The following MIPEP variants were observed in gnomAD, a reference collection of about 807,000 sequenced individuals.
MIPEP encodes mitochondrial intermediate peptidase.
In MIPEP, 79 loss-of-function variants were observed where a neutral mutation model predicts 90.3. The observed-to-expected ratio is 0.87, with a 90% CI of 0.73 to 1.05. The LOEUF (loss-of-function observed/expected upper bound fraction) is 1.05, where lower values mean the gene tolerates loss of function less well. Among genes scored for constraint, MIPEP ranks in the 50% least tolerant of loss-of-function variants. The pLI, the probability that MIPEP is intolerant of heterozygous loss-of-function variation, is 0.00. For synonymous variants in MIPEP, 334 were observed against 315.8 expected, an observed-to-expected ratio of 1.06 and a Z score of -0.61; for missense variants, 940 against 905.6, an observed-to-expected ratio of 1.04 and a Z score of -0.49.
chr13:23,858,470 CAA>C (rs1178186750), intron 10 of MIPEP, among the ~76,000 whole-genome samples: 5 of 48,934 alleles, frequency 1.0e-4, no homozygotes, highest in Non-Finnish European at 1.7e-4. Flanking sequence ...GACTCCGCCT[CAA>C]AAAAAAAAAA....
At chr13:23,775,862 A>C (rs1192355026) in intron 16 of MIPEP, among the ~76,000 whole-genome samples, 1 of 152,250 alleles carries the variant, frequency 6.6e-6, no homozygotes, top group East Asian at 1.9e-4. Context: ...TGCTATTTCC[A>C]ACAGTCCTGA....
At chr13:23,752,135 G>A (rs150668057) in intron 18 of MIPEP, among the ~76,000 whole-genome samples, 79 of 152,130 alleles carry the variant, frequency 5.2e-4, no homozygotes, top group African/African-American at 1.9e-3. Context: ...TGTGTTATAG[G>A]GGATTAAACT....
chr13:23,870,768 G>A (rs988400150), intron 5 of MIPEP, among the ~76,000 whole-genome samples: 12 of 152,142 alleles, frequency 7.9e-5, no homozygotes, highest in African/African-American at 2.4e-4. Context: ...TCGCACCACT[G>A]TACTCCAGCC....
intron 18 of MIPEP, among the ~76,000 whole-genome samples, chr13:23,739,066 A>C (rs1279915432): frequency 6.6e-6 from 1 of 152,276 alleles, no homozygotes; most frequent in Non-Finnish European, 1.5e-5. Flanking sequence ...AGACGATTGT[A>C]ATTTTCTACT....
intron 16 of MIPEP, among the ~76,000 whole-genome samples, chr13:23,760,902 GTTTA>G (rs1384530838): frequency 2.0e-5 from 3 of 152,090 alleles, no homozygotes; most frequent in Non-Finnish European, 4.4e-5. Context: ...AAAGTCAGGA[GTTTA>G]TTTATTTTTA....
At chr13:23,824,361 A>G (rs1953342396) in intron 14 of MIPEP, among the ~76,000 whole-genome samples, 1 of 152,218 alleles carries the variant, frequency 6.6e-6, no homozygotes, top group East Asian at 1.9e-4. Flanking sequence ...GAGAAGCTGC[A>G]TATATATTAA....
At chr13:23,781,123 G>A (rs965307063) in intron 16 of MIPEP, among the ~76,000 whole-genome samples, 38 of 152,210 alleles carry the variant, frequency 2.5e-4, no homozygotes, top group Non-Finnish European at 3.2e-4. Flanking sequence ...GATACTCCTC[G>A]AGAAGAGCAA....
intron 18 of MIPEP, among the ~76,000 whole-genome samples, chr13:23,748,809 A>G (rs972842996): frequency 5.3e-5 from 8 of 152,170 alleles, no homozygotes; most frequent in Non-Finnish European, 1.5e-5. Context: ...GCATTTATTT[A>G]TGCTGCGCCT....
At chr13:23,751,602 C>T (rs1418380328) in intron 18 of MIPEP, among the ~76,000 whole-genome samples, 1 of 152,168 alleles carries the variant, frequency 6.6e-6, no homozygotes, top group Non-Finnish European at 1.5e-5. Flanking sequence ...TACAAATAAC[C>T]TCCTGGAATG....
At chr13:23,760,319 C>T in intron 16 of MIPEP, 102 bp from the exon 17 acceptor site, 1 of 1,479,998 alleles carries the variant, frequency 6.8e-7, no homozygotes, top group Non-Finnish European at 9.4e-7. Context: ...CCCGTAAATG[C>T]TTTCATTTGC....
At chr13:23,814,187 A>C (rs1469382802) in intron 14 of MIPEP, among the ~76,000 whole-genome samples, 1 of 152,206 alleles carries the variant, frequency 6.6e-6, no homozygotes, top group Non-Finnish European at 1.5e-5. Context: ...TGATCTGTAA[A>C]TCTCCTATCT....
At chr13:23,859,652 C>G (rs917981871) in intron 9 of MIPEP, among the ~76,000 whole-genome samples, 1 of 152,138 alleles carries the variant, frequency 6.6e-6, no homozygotes, top group African/African-American at 2.4e-5. Flanking sequence ...CATTCCTGTC[C>G]CCTGAACAGT....
At chr13:23,759,653 T>C (rs1349237622) in intron 17 of MIPEP, among the ~76,000 whole-genome samples, 21 of 152,178 alleles carry the variant, frequency 1.4e-4, no homozygotes, top group Non-Finnish European at 2.5e-4. Flanking sequence ...GCAGGACTAC[T>C]GATCCTAGGC....
chr13:23,872,564 T>C (rs1247924995), intron 5 of MIPEP, among the ~76,000 whole-genome samples: 1 of 152,202 alleles, frequency 6.6e-6, no homozygotes, highest in Admixed American at 6.5e-5. Flanking sequence ...TGGTCTCTCT[T>C]TTGAAAAATG....
At chr13:23,815,747 A>G (rs1953226096) in intron 14 of MIPEP, among the ~76,000 whole-genome samples, 1 of 152,234 alleles carries the variant, frequency 6.6e-6, no homozygotes, top group South Asian at 2.1e-4. Flanking sequence ...AAACCCCACA[A>G]TGAAATAAAG....
chr13:23,864,024 T>G (rs1194227087), intron 8 of MIPEP, 117 bp downstream of exon 8: 1 of 605,048 alleles, frequency 1.7e-6, no homozygotes, highest in East Asian at 2.9e-5. Context: ...ACAGGTCTGG[T>G]CCAATATGCC....
Position 23,750,058 on chromosome 13 carries a change from A to G in MIPEP, c.2044+6487T>C, listed in dbSNP as rs146238401. ...ATGAGCAGTGGTGTCACTGCTAAAA[A>G]CCTTCCCAAGGAGGTTCTTTGTTTT... On this transcript the variant is annotated intron_variant, in intron 18 of 18. Transcript: ENST00000382172. Among the ~76,000 whole-genome samples the G allele has an allele frequency of 6.5e-3, 979 of 150,422 alleles. 5 individuals are homozygous for G. The highest frequency in any genetic ancestry group is 9.7e-3 in the Non-Finnish European group (654 of 67,390).
chr13:23,792,447 T>C (rs968059385), intron 16 of MIPEP, among the ~76,000 whole-genome samples: 1 of 152,218 alleles, frequency 6.6e-6, no homozygotes, highest in Admixed American at 6.5e-5. Flanking sequence ...AATGCACTGG[T>C]GCAATCACAG....
At chr13:23,806,505 G>A (rs770777534) in intron 15 of MIPEP, among the ~76,000 whole-genome samples, 21 of 151,986 alleles carry the variant, frequency 1.4e-4, no homozygotes, top group African/African-American at 4.8e-4. Context: ...GTGAAATCCC[G>A]TTTCTACTAA....
Sources: allele counts gnomAD v4.1 joint callset (sites outside exome capture counted in the v4.1 genomes callset), GRCh38; gene constraint gnomAD v4.1.1; transcripts MANE v1.5; gene names NCBI Gene and HGNC (gene_info 2026-07-23, HGNC 2026-07-21).